Variants in ZBTB20 observed in about 807,000 individuals in gnomAD.
ZBTB20 encodes zinc finger and BTB domain-containing protein 20.
In ZBTB20, 9 loss-of-function variants were observed where a neutral mutation model predicts 56.9. The ratio of observed to expected loss-of-function variants is 0.16; its 90% CI spans 0.10 to 0.28. The LOEUF is 0.28. Among genes scored for constraint, ZBTB20 ranks in the 10% least tolerant of loss-of-function variants. The probability of loss-of-function intolerance (pLI) is 1.00; values close to 1 mark genes in which losing one functional copy is unlikely to be tolerated. For synonymous variants in ZBTB20, 417 were observed against 420.7 expected, an observed-to-expected ratio of 0.99 and a Z score of 0.11; for missense variants, 655 against 1,003.0, an observed-to-expected ratio of 0.65 and a Z score of 4.69.
At chr3:115,069,326 A>G (rs138127689) in intron 2 of ZBTB20, among the ~76,000 whole-genome samples, 33 of 152,198 alleles carry the variant, frequency 2.2e-4, no homozygotes, top group African/African-American at 7.9e-4. Flanking sequence ...CTCTGTTTTC[A>G]ATCGGGAGAG....
At chr3:115,029,528 G>C (rs2080576066) in intron 2 of ZBTB20, among the ~76,000 whole-genome samples, 1 of 150,650 alleles carries the variant, frequency 6.6e-6, no homozygotes, top group Non-Finnish European at 1.5e-5. Context: ...GAAACTGATA[G>C]AACTGAAGAG....
At chr3:114,693,768 C>T (rs2062833304) in intron 5 of ZBTB20, among the ~76,000 whole-genome samples, 193 bp from the exon 6 acceptor site, 1 of 152,058 alleles carries the variant, frequency 6.6e-6, no homozygotes, top group African/African-American at 2.4e-5. Context: ...TCTTTTGTAA[C>T]TGCCTGCATG....
intron 6 of ZBTB20, among the ~76,000 whole-genome samples, chr3:114,564,282 A>G (rs76199911): frequency 0.05 from 7,606 of 152,172 alleles, 240 homozygotes; most frequent in South Asian, 0.13. Context: ...TCACATCTGT[A>G]AAGTCTCTTT....
In ZBTB20 at chr3:114,332,789, T is replaced by G. The variant is rs2079308954; in HGVS notation, c.*6216A>C. On this transcript the variant is annotated 3_prime_UTR_variant, in exon 12 of 12. Transcript: ENST00000675478. Reference sequence around the variant, plus strand: ...GGTCACTTAAGATTAGATTTCAGTCTGAAAGTCTACAGTTTACGGAGCAAA... The same window carrying G: ...GGTCACTTAAGATTAGATTTCAGTCGGAAAGTCTACAGTTTACGGAGCAAA... 1 of 152,226 alleles carries G rather than the reference T, an allele frequency of 6.6e-6. No homozygotes were observed. The highest frequency in any genetic ancestry group is 6.5e-5 in the Admixed American group (1 of 15,282). 9.4% of individuals were successfully genotyped at this position (152,226 alleles called of 1,614,324 possible).
At chr3:114,815,743 G>GCA (rs1467913182) in intron 4 of ZBTB20, among the ~76,000 whole-genome samples, 1 of 151,644 alleles carries the variant, frequency 6.6e-6, no homozygotes, top group Non-Finnish European at 1.5e-5. Context: ...ACACGCACAC[G>GCA]CACACACGAC....
chr3:114,352,431 A>G (rs1236171951), intron 10 of ZBTB20, among the ~76,000 whole-genome samples: 1 of 152,210 alleles, frequency 6.6e-6, no homozygotes, highest in African/African-American at 2.4e-5. Flanking sequence ...GTCATATGGC[A>G]TATTATCAAA....
chr3:114,928,413 G>T (rs1027669732), intron 3 of ZBTB20, among the ~76,000 whole-genome samples: 1 of 151,410 alleles, frequency 6.6e-6, no homozygotes, highest in South Asian at 2.1e-4. Flanking sequence ...AGAACCTCAA[G>T]GTTCTTCAAT....
intron 6 of ZBTB20, among the ~76,000 whole-genome samples, chr3:114,612,011 T>C (rs1265289799): frequency 1.3e-5 from 2 of 152,228 alleles, no homozygotes; most frequent in Non-Finnish European, 2.9e-5. Flanking sequence ...TGGCTCTCAT[T>C]TCTAGTTTCA....
intron 4 of ZBTB20, among the ~76,000 whole-genome samples, chr3:114,886,449 C>T (rs1249752776): frequency 3.9e-5 from 6 of 152,124 alleles, no homozygotes; most frequent in Non-Finnish European, 8.8e-5. Flanking sequence ...TGTCCATCTA[C>T]GACACTAAAT....
intron 3 of ZBTB20, among the ~76,000 whole-genome samples, chr3:114,929,780 G>A (rs1374804395): frequency 1.3e-5 from 2 of 152,122 alleles, no homozygotes; most frequent in African/African-American, 4.8e-5. Context: ...TTTTGAAAAG[G>A]CAATATAAGT....
intron 2 of ZBTB20, among the ~76,000 whole-genome samples, chr3:115,065,141 CT>C (rs572492906): frequency 4.6e-5 from 7 of 151,856 alleles, no homozygotes; most frequent in East Asian, 1.9e-4. Context: ...ATTTATTTGA[CT>C]TTTTTTTGCT....
chr3:114,398,234 G>GT (rs142480537), intron 7 of ZBTB20, among the ~76,000 whole-genome samples: 30,746 of 151,974 alleles, frequency 0.2, 4,006 homozygotes, highest in African/African-American at 0.36. Flanking sequence ...TTTACTGCCT[G>GT]TTTGCTATAT....
intron 7 of ZBTB20, among the ~76,000 whole-genome samples, chr3:114,472,725 AG>A (rs921711631): frequency 2.1e-4 from 30 of 141,334 alleles, no homozygotes; most frequent in Non-Finnish European, 3.7e-4. Context: ...AAAAAAAAAA[AG>A]ATACCTCACT....
intron 7 of ZBTB20, among the ~76,000 whole-genome samples, chr3:114,499,276 A>C (rs550693653): frequency 1.3e-5 from 2 of 152,300 alleles, no homozygotes; most frequent in South Asian, 4.2e-4. Flanking sequence ...TTCTCTGTCA[A>C]ATAAACTGTC....
intron 4 of ZBTB20, among the ~76,000 whole-genome samples, chr3:114,803,004 T>C (rs779940148): frequency 7.2e-5 from 11 of 151,882 alleles, no homozygotes; most frequent in Non-Finnish European, 1.2e-4. Context: ...ATCAATTATA[T>C]GAATAGATGG....
At chr3:115,020,895 C>A (rs2080176036) in intron 2 of ZBTB20, among the ~76,000 whole-genome samples, 1 of 150,822 alleles carries the variant, frequency 6.6e-6, no homozygotes, top group Non-Finnish European at 1.5e-5. Flanking sequence ...ACAGAAATTT[C>A]TTTTAATACC....
At chr3:115,024,905 T>C (rs1054878101) in intron 2 of ZBTB20, among the ~76,000 whole-genome samples, 11 of 151,144 alleles carry the variant, frequency 7.3e-5, no homozygotes, top group Admixed American at 2.6e-4. Context: ...AAATAGAAAT[T>C]ATATATCGAT....
At chr3:115,080,717 T>C (rs1043936863) in intron 1 of ZBTB20, among the ~76,000 whole-genome samples, 4 of 152,180 alleles carry the variant, frequency 2.6e-5, no homozygotes, top group Non-Finnish European at 4.4e-5. Flanking sequence ...ACATTAATTG[T>C]TGTGATGTTA....
intron 1 of ZBTB20, among the ~76,000 whole-genome samples, chr3:115,095,483 C>T (rs912932112): frequency 4.6e-5 from 7 of 152,030 alleles, no homozygotes; most frequent in Non-Finnish European, 8.8e-5. Context: ...GTTATGAAGC[C>T]AAAGTCAAGC....
Sources: gnomAD v4.1 joint callset for allele counts (sites outside exome capture counted in the v4.1 genomes callset) on GRCh38, gnomAD v4.1.1 for gene constraint, MANE v1.5 for transcripts, NCBI Gene and HGNC (gene_info 2026-07-23, HGNC 2026-07-21) for gene names.